Variants in IGFBP7 observed in about 807,000 individuals in gnomAD.
IGFBP7 encodes the protein insulin like growth factor binding protein 7, also known as insulin-like growth factor-binding protein 7.
Under a neutral mutation model 29.4 loss-of-function variants are expected in IGFBP7, and 31 were observed. That is an observed-to-expected ratio of 1.05 (90% CI 0.79 to 1.42). The LOEUF (loss-of-function observed/expected upper bound fraction) is 1.42. Ranked by LOEUF, IGFBP7 falls within the 40% of genes most tolerant of loss-of-function variation. The pLI is 0.00. For synonymous variants in IGFBP7, 172 were observed against 174.9 expected, an observed-to-expected ratio of 0.98 and a Z score of 0.13; for missense variants, 393 against 395.5, an observed-to-expected ratio of 0.99 and a Z score of 0.05.
chr4:57,072,830 A>G (rs1191986436), intron 1 of IGFBP7: 1 of 584,858 alleles, frequency 1.7e-6, no homozygotes, highest in Non-Finnish European at 3.3e-6. Flanking sequence ...CCTGAGGTAT[A>G]AGCTCTCCCT....
At chr4:57,104,746 T>C (rs1030722626) in intron 1 of IGFBP7, among the ~76,000 whole-genome samples, 2 of 152,270 alleles carry the variant, frequency 1.3e-5, no homozygotes, top group East Asian at 3.9e-4. Flanking sequence ...TATGGAAATG[T>C]TGGGATTTGG....
chr4:57,069,601 C>G (rs1725009667), intron 1 of IGFBP7, among the ~76,000 whole-genome samples: 1 of 151,870 alleles, frequency 6.6e-6, no homozygotes, highest in South Asian at 2.1e-4. Context: ...GAGTTTGAGG[C>G]TTCAGTGAGC....
intron 1 of IGFBP7, among the ~76,000 whole-genome samples, chr4:57,096,730 C>T (rs6851308): frequency 0.4 from 61,032 of 151,980 alleles, 12,758 homozygotes; most frequent in East Asian, 0.55. Context: ...TTTCTTTACT[C>T]GTCAACACAC....
intron 1 of IGFBP7, among the ~76,000 whole-genome samples, chr4:57,068,757 A>C (rs562332888): frequency 1.3e-4 from 20 of 152,348 alleles, no homozygotes; most frequent in Non-Finnish European, 2.6e-4. Flanking sequence ...AGGGAAGTGA[A>C]AGGAAACCGG....
intron 1 of IGFBP7, among the ~76,000 whole-genome samples, chr4:57,085,477 C>T (rs1385896901): frequency 6.6e-6 from 1 of 152,198 alleles, no homozygotes; most frequent in Admixed American, 6.5e-5. Context: ...GAAATAACAA[C>T]TGAGATCTTC....
rs747735573 is a variant in IGFBP7 at position 57,109,862 on chromosome 4, A to C, written c.475+15T>G. 24 of 1,535,388 alleles carry C rather than the reference A, an allele frequency of 1.6e-5. No individual in the cohort carries two copies. The South Asian group carries it at 2.7e-4, about 18-fold the overall frequency. ...CGAGCGGCGCAGGGTTGGAGAGGGA[A>C]GCGCTCGTGCCCACCTTGCTCGCAG... On this transcript the variant is annotated intron_variant, in intron 1 of 4. Coordinates refer to ENST00000295666, the MANE Select transcript of IGFBP7 (RefSeq NM_001553.3).
intron 1 of IGFBP7, among the ~76,000 whole-genome samples, chr4:57,071,357 G>A (rs1028501436): frequency 1.5e-4 from 23 of 152,202 alleles, no homozygotes; most frequent in African/African-American, 4.6e-4. Context: ...TAGGAGAGCA[G>A]GATCTGTCAG....
intron 1 of IGFBP7, among the ~76,000 whole-genome samples, chr4:57,086,550 C>G (rs1725502048): frequency 6.6e-6 from 1 of 152,138 alleles, no homozygotes; most frequent in African/African-American, 2.4e-5. Flanking sequence ...AGCCTGCAGG[C>G]TTGGTGGCAT....
rs148026205 is a variant in IGFBP7 at position 57,100,574 on chromosome 4, C to T, written c.475+9303G>A. Among the ~76,000 whole-genome samples the T allele has an allele frequency of 2.6e-4, 40 of 152,244 alleles. 1 individual carries two copies. Among genetic ancestry groups the T allele is most frequent in the African/African-American group, 7.7e-4 (32 of 41,536 alleles). Reference sequence around the variant, plus strand: ...TATCATACAGCATGTTTATTTTATGCGAATGAAAGAGCTCTTTTAGATGTA... The same window carrying T: ...TATCATACAGCATGTTTATTTTATGTGAATGAAAGAGCTCTTTTAGATGTA... On this transcript the variant is annotated intron_variant, in intron 1 of 4. Transcript: ENST00000295666.
At chr4:57,061,604 G>C (rs1724802336) in intron 1 of IGFBP7, among the ~76,000 whole-genome samples, 1 of 152,188 alleles carries the variant, frequency 6.6e-6, no homozygotes. Flanking sequence ...TCACATCCCA[G>C]CCTGGACAGA....
chr4:57,071,952 A>C (rs1257269555), intron 1 of IGFBP7, among the ~76,000 whole-genome samples: 1 of 152,170 alleles, frequency 6.6e-6, no homozygotes, highest in Admixed American at 6.5e-5. Context: ...CCTGGGAAAC[A>C]TGGTGAGACC....
intron 1 of IGFBP7, among the ~76,000 whole-genome samples, chr4:57,052,551 C>T (rs770226445): frequency 1.3e-5 from 2 of 152,174 alleles, no homozygotes; most frequent in Non-Finnish European, 2.9e-5. Context: ...ACTAGTTTCT[C>T]CAGAGGGAGT....
intron 1 of IGFBP7, among the ~76,000 whole-genome samples, chr4:57,066,922 A>G (rs1285326020): frequency 6.6e-6 from 1 of 151,778 alleles, no homozygotes; most frequent in Non-Finnish European, 1.5e-5. Flanking sequence ...AACTTTCTCC[A>G]TCATCAGCTA....
intron 1 of IGFBP7, among the ~76,000 whole-genome samples, chr4:57,055,134 G>A (rs748244622): frequency 5.8e-4 from 88 of 152,258 alleles, no homozygotes; most frequent in Non-Finnish European, 4.9e-4. Flanking sequence ...ATTTCATAGC[G>A]GGGCATCTGC....
At chr4:57,039,359 T>C (rs981425781) in intron 2 of IGFBP7, among the ~76,000 whole-genome samples, 2 of 152,144 alleles carry the variant, frequency 1.3e-5, no homozygotes, top group African/African-American at 4.8e-5. Flanking sequence ...GAGAACAGAG[T>C]TGAGGCTAAC....
At chr4:57,033,086 G>T in intron 3 of IGFBP7, 109 bp downstream of exon 3, 1 of 810,776 alleles carries the variant, frequency 1.2e-6, no homozygotes. Context: ...AAACAGATGT[G>T]GAAGAGCAAG....
intron 1 of IGFBP7, among the ~76,000 whole-genome samples, chr4:57,041,278 A>C (rs868017348): frequency 6.6e-6 from 1 of 152,200 alleles, no homozygotes; most frequent in African/African-American, 2.4e-5. Flanking sequence ...CAAAATGTTC[A>C]ATGTTTTTCT....
At chr4:57,055,625 G>T (rs1361934570) in intron 1 of IGFBP7, among the ~76,000 whole-genome samples, 4 of 133,330 alleles carry the variant, frequency 3.0e-5, no homozygotes, top group Middle Eastern at 3.7e-3. Context: ...TCAATCACGC[G>T]GGGGTGGACA....
At chr4:57,108,749 G>A (rs574535590) in intron 1 of IGFBP7, among the ~76,000 whole-genome samples, 3 of 152,074 alleles carry the variant, frequency 2.0e-5, no homozygotes, top group Admixed American at 6.5e-5. Context: ...GGGTTTCACC[G>A]TGTTGGTCAG....
Sources: allele counts gnomAD v4.1 joint callset (sites outside exome capture counted in the v4.1 genomes callset), GRCh38; gene constraint gnomAD v4.1.1; transcripts MANE v1.5; gene names NCBI Gene and HGNC (gene_info 2026-07-23, HGNC 2026-07-21).